Variants in FASTKD2 observed in about 807,000 individuals in gnomAD.
FASTKD2 encodes the protein FAST kinase domains 2.
FASTKD2 carries 51 observed loss-of-function variants against 63.6 expected under a neutral mutation model. That is an observed-to-expected ratio of 0.80 (90% confidence interval 0.64 to 1.01). FASTKD2 has a LOEUF of 1.01. FASTKD2 is among the 50% of genes least tolerant of loss of function. The probability of loss-of-function intolerance (pLI) is 0.00; values close to 1 mark genes in which losing one functional copy is unlikely to be tolerated. For missense variants in FASTKD2, 786 were observed against 831.1 expected (o/e 0.95, Z 0.67); for synonymous variants, 284 against 293.4 (o/e 0.97, Z 0.33).
intron 2 of FASTKD2, among the ~76,000 whole-genome samples, chr2:206,769,156 A>G (rs1163583657): frequency 6.6e-6 from 1 of 152,248 alleles, no homozygotes; most frequent in Non-Finnish European, 1.5e-5. Flanking sequence ...TGTGCCATCA[A>G]TGAATTTGCC....
At chr2:206,787,512 C>T (rs1559366103) in intron 8 of FASTKD2, among the ~76,000 whole-genome samples, 1 of 152,096 alleles carries the variant, frequency 6.6e-6, no homozygotes, top group Non-Finnish European at 1.5e-5. Context: ...GTTATAAAAT[C>T]CCAAAGTTGA....
rs1336166707 is a variant in FASTKD2, at chr2:206,766,998, G to C, written c.305G>C (p.Arg102Thr). The C allele has an allele frequency of 6.2e-7, 1 of 1,613,370 alleles. No individual in the cohort carries two copies. Among genetic ancestry groups the C allele is most frequent in the Non-Finnish European group, 8.5e-7 (1 of 1,179,390 alleles). ...TKGISTLTAL[R>T]IERLLYAKRL... The stretch of plus-strand genomic sequence containing the variant: ...GGCATAAGCACTCTAACAGCCCTTA[G>C]AATTGAAAGACTACTTTATGCTAAA... Residue 102 changes from arginine to threonine, a missense_variant, in exon 2 of 12, where the codon AGA becomes ACA. Physicochemically the swap from Arg to Thr is moderately conservative, Grantham distance 71. Coordinates refer to ENST00000402774, the MANE Select transcript of FASTKD2 (RefSeq NM_001136193.2).
At chr2:206,791,024 A>C (rs2105989565) in intron 11 of FASTKD2, 1 of 304,256 alleles carries the variant, frequency 3.3e-6, no homozygotes, top group African/African-American at 2.2e-5. Context: ...CAAGGGAAGG[A>C]AAGATGTTAA....
At chr2:206,766,599 G>C (rs1689485182) in intron 1 of FASTKD2, 45 bp from the exon 2 acceptor site, 3 of 1,086,762 alleles carry the variant, frequency 2.8e-6, no homozygotes, top group African/African-American at 1.6e-5. Context: ...TTAAGTAAAA[G>C]TTTTGTTTTA....
chr2:206,791,619 T>C (rs915517574), intron 11 of FASTKD2, 64 bp from the exon 12 acceptor site: 3 of 1,521,020 alleles, frequency 2.0e-6, no homozygotes. Flanking sequence ...TGTTTGGATC[T>C]CTAAACTAGC....
rs1287660876 is a variant in FASTKD2 at position 206,792,740 on chromosome 2, C to T, written c.*938C>T. On this transcript the variant is annotated 3_prime_UTR_variant, in exon 12 of 12. Coordinates refer to ENST00000402774, the MANE Select transcript of FASTKD2 (RefSeq NM_001136193.2). ...AATTACTAGACATCTTAGTATGTGC[C>T]GGGCACTGCTAAGTATTCATTTGTG... 6.6e-6 allele frequency among the ~76,000 whole-genome samples: 1 copy of T among 152,038 alleles called. No homozygotes were observed. Among genetic ancestry groups the T allele is most frequent in the African/African-American group, 2.4e-5 (1 of 41,372 alleles).
In FASTKD2 at chr2:206,791,739, G is replaced by C; in HGVS notation, c.2070G>C (p.Lys690Asn). The C allele has an allele frequency of 1.2e-6, 2 of 1,612,078 alleles. No homozygotes were observed. The highest frequency in any genetic ancestry group is 1.7e-6 in the Non-Finnish European group (2 of 1,178,448). The change falls in exon 12 of 12, where the codon AAG (lysine) becomes AAC (asparagine). Residue 690 changes from lysine (K) to asparagine (N), a missense_variant. Lys to Asn is a moderately conservative substitution (Grantham distance 94). Coordinates refer to ENST00000402774, the MANE Select transcript of FASTKD2 (RefSeq NM_001136193.2). Reference protein sequence around the residue: ...LEMEDAVTFLKTKIYSVEALP... With the variant: ...LEMEDAVTFLNTKIYSVEALP... ...TGGAAGATGCAGTCACATTTTTGAAGACTAAAATCTATTCAGTAGAAGCTC... is the reference window on the plus strand; with the variant it reads ...TGGAAGATGCAGTCACATTTTTGAACACTAAAATCTATTCAGTAGAAGCTC...
At chr2:206,766,525 A>G (rs1445588558) in intron 1 of FASTKD2, 119 bp from the exon 2 acceptor site, 1 of 641,068 alleles carries the variant, frequency 1.6e-6, no homozygotes, top group Non-Finnish European at 2.7e-6. Context: ...TTACTGTTTT[A>G]TGTAAATGTT....
rs1022038733 is a variant in FASTKD2 at position 206,793,040 on chromosome 2, G to A, written c.*1238G>A. 2.6e-5 allele frequency among the ~76,000 whole-genome samples: 4 copies of A among 151,858 alleles called. No homozygotes were observed. Among genetic ancestry groups the A allele is most frequent in the African/African-American group, 9.7e-5 (4 of 41,296 alleles). Reference sequence around the variant, plus strand: ...AGGTCAAGACAATCCTGGCCAACACGGTGAAACCCCATCTCTACTAAAATA... The same window carrying A: ...AGGTCAAGACAATCCTGGCCAACACAGTGAAACCCCATCTCTACTAAAATA... On this transcript the variant is annotated 3_prime_UTR_variant, in exon 12 of 12. Transcript: ENST00000402774.
intron 5 of FASTKD2, 70 bp downstream of exon 5, chr2:206,772,087 T>TA: frequency 6.2e-7 from 1 of 1,600,962 alleles, no homozygotes. Flanking sequence ...TGTTTTGTTT[T>TA]AAAAACTTTG....
intron 7 of FASTKD2, among the ~76,000 whole-genome samples, chr2:206,775,813 T>C (rs553577375): frequency 1.3e-5 from 2 of 152,112 alleles, no homozygotes; most frequent in South Asian, 4.1e-4. Context: ...TCATACTGTT[T>C]TCCATGCACC....
intron 6 of FASTKD2, 64 bp from the exon 7 acceptor site, chr2:206,774,161 T>C: frequency 8.4e-7 from 1 of 1,184,916 alleles, no homozygotes; most frequent in Non-Finnish European, 1.2e-6. Flanking sequence ...TTTTGAGATC[T>C]AAAAAATTAC....
rs563162407 is a variant in FASTKD2, at chr2:206,788,486, C to T, written c.1813+331C>T. The stretch of plus-strand genomic sequence containing the variant: ...CGGTGGCACACGCCTGTAATCCTAG[C>T]ATGTGGAGAGGCCGAGGCAGGTGGA... On this transcript the variant is annotated intron_variant, in intron 9 of 11. Transcript: ENST00000402774. Among the ~76,000 whole-genome samples, 346 of 152,156 alleles carry T rather than the reference C, an allele frequency of 2.3e-3. 2 individuals are homozygous for T. The highest frequency in any genetic ancestry group is 7.9e-3 in the African/African-American group (326 of 41,522).
rs777758267 is a variant in FASTKD2, at chr2:206,772,300, G to A, written c.1234G>A (p.Asp412Asn). The A allele has an allele frequency of 5.0e-6, 8 of 1,613,836 alleles. No homozygotes were observed. Among genetic ancestry groups the A allele is most frequent in the South Asian group, 4.4e-5 (4 of 91,066 alleles). The change falls in exon 6 of 12, where the codon GAC (aspartate) becomes AAC (asparagine). Residue 412 changes from aspartate to asparagine, a missense_variant. By Grantham distance (23) the Asp-to-Asn change is conservative. Coordinates refer to ENST00000402774, the MANE Select transcript of FASTKD2 (RefSeq NM_001136193.2). ...GLADYVAATF[D>N]IWKFRKVLFI... ...TGCAGATTATGTGGCTGCAACTTTC[G>A]ACATCTGGAAGTTCAGAAAAGTGAG...
At chr2:206,775,173 C>G (rs1017339837) in intron 7 of FASTKD2, among the ~76,000 whole-genome samples, 40 of 152,006 alleles carry the variant, frequency 2.6e-4, no homozygotes, top group Non-Finnish European at 1.5e-4. Context: ...GTTTCCCTAT[C>G]TTGGCTATTG....
Position 206,765,647 on chromosome 2 carries a change from G to A in FASTKD2, c.-151G>A. ...CTCCTGTACGTAGTCACGGTCTTGT[G>A]CTCTAAGGTGAGTGGAGGACGAGCT... On this transcript the variant is annotated 5_prime_UTR_variant, in exon 1 of 12. Coordinates refer to ENST00000402774, the MANE Select transcript of FASTKD2 (RefSeq NM_001136193.2). 1 of 556,956 alleles carries A rather than the reference G, an allele frequency of 1.8e-6. No homozygotes were observed. The highest frequency in any genetic ancestry group is 2.3e-6 in the Non-Finnish European group (1 of 430,016). The allele number at this position is 556,956 out of a possible 1,614,324, so 34.5% of individuals were successfully genotyped here.
intron 7 of FASTKD2, among the ~76,000 whole-genome samples, chr2:206,781,461 A>G (rs1249002083): frequency 6.6e-6 from 1 of 151,710 alleles, no homozygotes; most frequent in East Asian, 1.9e-4. Context: ...GATTACAGGC[A>G]CCTGCCACCA....
Position 206,772,222 on chromosome 2 carries a change from T to C in FASTKD2, c.1156T>C (p.Leu386=), listed in dbSNP as rs765334272. The change falls in exon 6 of 12, where the codon TTG becomes CTG. Residue 386 remains leucine (L), a synonymous_variant. Coordinates refer to ENST00000402774, the MANE Select transcript of FASTKD2 (RefSeq NM_001136193.2). ...GCPLRIMINI[L]QSCKDLQYHN... The stretch of plus-strand genomic sequence containing the variant: ...TCCTTTAAGAATAATGATCAACATA[T>C]TGCAGTCCTGCAAAGACCTCCAGTA... The C allele has an allele frequency of 2.9e-5, 46 of 1,613,432 alleles. No homozygotes were observed. The highest frequency in any genetic ancestry group is 1.7e-4 in the Middle Eastern group (1 of 6,060).
At chr2:206,775,325 A>G in intron 7 of FASTKD2, among the ~76,000 whole-genome samples, 1 of 131,188 alleles carries the variant, frequency 7.6e-6, no homozygotes, top group South Asian at 2.7e-4. Context: ...TACTTTTACC[A>G]AATGCCTTTT....
Sources: gnomAD v4.1 joint callset for allele counts (sites outside exome capture counted in the v4.1 genomes callset) on GRCh38, gnomAD v4.1.1 for gene constraint, MANE v1.5 for transcripts, NCBI Gene and HGNC (gene_info 2026-07-23, HGNC 2026-07-21) for gene names.